The following RALGPS2 variants were observed in gnomAD, a reference collection of about 807,000 sequenced individuals.
The protein encoded by RALGPS2 is ras-specific guanine nucleotide-releasing factor RalGPS2.
RALGPS2 carries 43 observed loss-of-function variants against 86.8 expected under a neutral mutation model. The observed-to-expected ratio is 0.50, with a 90% CI of 0.39 to 0.64. RALGPS2 has a LOEUF of 0.64. RALGPS2 is among the 30% of genes least tolerant of loss of function. RALGPS2 has a pLI of 0.00. For missense variants in RALGPS2, 536 were observed against 694.6 expected (o/e 0.77, Z 2.57); for synonymous variants, 243 against 231.3 (o/e 1.05, Z -0.46).
At chr1:178,731,458 T>C (rs969559040) in intron 1 of RALGPS2, among the ~76,000 whole-genome samples, 13 of 151,698 alleles carry the variant, frequency 8.6e-5, no homozygotes, top group African/African-American at 3.1e-4. Context: ...AATTTTTGTA[T>C]TTTTGGTAGA....
chr1:178,905,941 AC>A (rs2102411233), intron 18 of RALGPS2, among the ~76,000 whole-genome samples: 1 of 152,356 alleles, frequency 6.6e-6, no homozygotes, highest in South Asian at 2.1e-4. Context: ...AATAATATTG[AC>A]AAATATCTTG....
intron 4 of RALGPS2, among the ~76,000 whole-genome samples, chr1:178,806,258 T>G (rs1047819195): frequency 3.3e-5 from 5 of 152,168 alleles, no homozygotes; most frequent in South Asian, 2.1e-4. Context: ...TAGTCTACTT[T>G]CAGACTTCAT....
rs1558186590 is a variant in RALGPS2, at chr1:178,918,801, A to G, written c.*2442A>G. 1 of 152,128 alleles carries G rather than the reference A, an allele frequency of 6.6e-6. No homozygotes were observed. The highest frequency in any genetic ancestry group is 2.1e-4 in the South Asian group (1 of 4,832). 9.4% of individuals were successfully genotyped at this position (152,128 alleles called of 1,614,324 possible). A position where few individuals can be genotyped will look rare whatever the true frequency, so the allele number is the denominator to read the frequency against. On this transcript the variant is annotated 3_prime_UTR_variant, in exon 20 of 20. Transcript: ENST00000367635. ...GTGAATTTTTTATCTATAATTTACC[A>G]AATAATACCTGATAATAATTCAAAG...
At chr1:178,883,185 C>T (rs1378059154) in intron 10 of RALGPS2, among the ~76,000 whole-genome samples, 1 of 152,050 alleles carries the variant, frequency 6.6e-6, no homozygotes, top group Non-Finnish European at 1.5e-5. Flanking sequence ...GACTTAACAT[C>T]TTAATTAAAA....
chr1:178,834,469 T>C (rs1656173401), intron 8 of RALGPS2, among the ~76,000 whole-genome samples: 1 of 152,184 alleles, frequency 6.6e-6, no homozygotes, highest in Non-Finnish European at 1.5e-5. Context: ...ACATGCCCAT[T>C]TAGCTACTAT....
At chr1:178,822,524 T>C (rs1004909726) in intron 7 of RALGPS2, among the ~76,000 whole-genome samples, 1 of 152,094 alleles carries the variant, frequency 6.6e-6, no homozygotes, top group Non-Finnish European at 1.5e-5. Flanking sequence ...ATATAACTTT[T>C]TAATTAACAA....
chr1:178,872,707 A>G (rs1049200313), intron 8 of RALGPS2, among the ~76,000 whole-genome samples: 1 of 152,218 alleles, frequency 6.6e-6, no homozygotes, highest in Non-Finnish European at 1.5e-5. Context: ...AATAAGAGAT[A>G]ATAAATTCTT....
chr1:178,856,463 TTGAACTCCAGGTCTCAAG>T (rs1045242138), intron 8 of RALGPS2, among the ~76,000 whole-genome samples: 16 of 134,526 alleles, frequency 1.2e-4, no homozygotes, highest in Middle Eastern at 3.8e-3. Context: ...CAGGGTGGTC[TTGAACTCCAGGTCTCAAG>T]TGAACTCCAG....
intron 19 of RALGPS2, among the ~76,000 whole-genome samples, chr1:178,913,663 GT>G (rs1660705370): frequency 6.6e-6 from 1 of 152,110 alleles, no homozygotes; most frequent in Non-Finnish European, 1.5e-5. Context: ...TTGTTTTTAT[GT>G]TTTTGATTTC....
chr1:178,754,147 A>T (rs1651833616), intron 1 of RALGPS2, among the ~76,000 whole-genome samples: 1 of 151,908 alleles, frequency 6.6e-6, no homozygotes, highest in Non-Finnish European at 1.5e-5. Context: ...TTTTAAGTTG[A>T]GGAGCTTCTG....
chr1:178,898,115 C>A (rs1660023634), intron 17 of RALGPS2, among the ~76,000 whole-genome samples: 1 of 151,932 alleles, frequency 6.6e-6, no homozygotes, highest in Non-Finnish European at 1.5e-5. Flanking sequence ...TGATTCTTCC[C>A]AACAATGAAG....
At chr1:178,769,921 C>T (rs141701676) in intron 1 of RALGPS2, among the ~76,000 whole-genome samples, 1 of 152,214 alleles carries the variant, frequency 6.6e-6, no homozygotes, top group Non-Finnish European at 1.5e-5. Context: ...TCACTTTTAT[C>T]AGCCTGTGTT....
intron 4 of RALGPS2, among the ~76,000 whole-genome samples, chr1:178,789,953 T>C (rs1049823082): frequency 3.3e-5 from 5 of 152,128 alleles, no homozygotes; most frequent in Admixed American, 1.3e-4. Flanking sequence ...CAAAATACTT[T>C]TAGCTTTTTT....
chr1:178,893,016 A>G lies in RALGPS2; in HGVS notation c.1325+709A>G, dbSNP rs115588188. ...TCTAGCATGAAATTTCTACTGGTTT[A>G]TAGGTTCTTAAGTCACTCTGAAGAC... is the stretch of plus-strand genomic sequence containing the variant. On this transcript the variant is annotated intron_variant, in intron 15 of 19. Transcript: ENST00000367635. Among the ~76,000 whole-genome samples, 501 of 152,220 alleles carry G rather than the reference A, an allele frequency of 3.3e-3. 5 individuals carry two copies. The highest frequency in any genetic ancestry group is 0.011 in the African/African-American group (444 of 41,538).
At chr1:178,746,957 A>C (rs138479826) in intron 1 of RALGPS2, 281 of 998,548 alleles carry the variant, frequency 2.8e-4, no homozygotes, top group Admixed American at 2.9e-4. Flanking sequence ...AGCAGGAGGT[A>C]GTCTTCCTTA....
intron 15 of RALGPS2, 152 bp downstream of exon 15, chr1:178,892,459 C>G (rs936562545): frequency 1.6e-6 from 1 of 643,834 alleles, no homozygotes; most frequent in Non-Finnish European, 2.7e-6. Flanking sequence ...TTTCCAAGAT[C>G]TAATATGAAG....
intron 1 of RALGPS2, among the ~76,000 whole-genome samples, chr1:178,731,272 G>GTTTT (rs57628726): frequency 0.04 from 2,307 of 57,992 alleles, 473 homozygotes; most frequent in Non-Finnish European, 0.052. Context: ...AGTTGTTTTG[G>GTTTT]TTTTTTTTTT....
At chr1:178,790,084 G>A (rs1352134792) in intron 4 of RALGPS2, among the ~76,000 whole-genome samples, 3 of 152,032 alleles carry the variant, frequency 2.0e-5, no homozygotes, top group Admixed American at 2.0e-4. Context: ...AAGTAGCTGG[G>A]ACCATACACA....
chr1:178,762,200 G>A (rs1196573694), intron 1 of RALGPS2, among the ~76,000 whole-genome samples: 4 of 152,084 alleles, frequency 2.6e-5, no homozygotes, highest in Non-Finnish European at 4.4e-5. Context: ...TCTTTTTTAT[G>A]GCTGTGTAGT....
Sources: gnomAD v4.1 joint callset for allele counts (sites outside exome capture counted in the v4.1 genomes callset) on GRCh38, gnomAD v4.1.1 for gene constraint, MANE v1.5 for transcripts, NCBI Gene and HGNC (gene_info 2026-07-23, HGNC 2026-07-21) for gene names.